The following ARHGEF33 variants were observed in gnomAD, a reference collection of about 807,000 sequenced individuals.
The protein encoded by ARHGEF33 is Rho guanine nucleotide exchange factor 33, also known as DH and coiled-coil domain-containing protein ENSP00000381780.
ARHGEF33 carries 72 observed loss-of-function variants against 101.9 expected under a neutral mutation model. The ratio of observed to expected loss-of-function variants is 0.71; its 90% CI spans 0.58 to 0.86. The LOEUF (loss-of-function observed/expected upper bound fraction) is 0.86, where lower values mean the gene tolerates loss of function less well. ARHGEF33 is among the 40% of genes least tolerant of loss of function. ARHGEF33 has a pLI of 0.00. For missense variants in ARHGEF33, 1,169 were observed against 1,111.3 expected, an observed-to-expected ratio of 1.05 and a Z score of -0.74; for synonymous variants, 499 against 442.5, an observed-to-expected ratio of 1.13 and a Z score of -1.60.
intron 4 of ARHGEF33, among the ~76,000 whole-genome samples, chr2:38,924,675 A>G (rs1666835099): frequency 1.3e-5 from 2 of 152,326 alleles, no homozygotes; most frequent in African/African-American, 4.8e-5. Flanking sequence ...GACATTACAT[A>G]TCATATGTAA....
At position 38,962,447 on chromosome 2, in the gene ARHGEF33, A is replaced by G. The variant is rs1667965374; in HGVS notation, c.2343+1799A>G. On this transcript the variant is annotated intron_variant, in intron 16 of 17. Coordinates refer to ENST00000409978, the MANE Select transcript of ARHGEF33 (RefSeq NM_001145451.5). ...AAATATATCTGAGAAGCAAACAATG[A>G]GTAATATATTTGTGGCTGTTTACCA... Among the ~76,000 whole-genome samples, 5 of 152,348 alleles carry G rather than the reference A, an allele frequency of 3.3e-5. No homozygotes were observed. The South Asian group carries it at 1.0e-3, about 32-fold the overall frequency.
intron 9 of ARHGEF33, among the ~76,000 whole-genome samples, chr2:38,938,049 A>AT (rs1332698073): frequency 6.6e-6 from 1 of 152,102 alleles, no homozygotes; most frequent in South Asian, 2.1e-4. Context: ...TTTAAAAATT[A>AT]TTTTGAATTT....
At chr2:38,967,331 C>T (rs1347036020) in intron 17 of ARHGEF33, among the ~76,000 whole-genome samples, 1 of 152,216 alleles carries the variant, frequency 6.6e-6, no homozygotes, top group African/African-American at 2.4e-5. Context: ...GGAAGAGCGA[C>T]AGCTCTGCAT....
intron 1 of ARHGEF33, among the ~76,000 whole-genome samples, chr2:38,893,648 A>G (rs1318681510): frequency 1.3e-5 from 2 of 152,104 alleles, no homozygotes; most frequent in Non-Finnish European, 2.9e-5. Context: ...TATGTGTCTC[A>G]TCTTCCCTTC....
At chr2:38,890,116 G>T in intron 1 of ARHGEF33, 130 bp downstream of exon 1, 1 of 200,182 alleles carries the variant, frequency 5.0e-6, no homozygotes, top group South Asian at 7.7e-5. Context: ...ATTTATTTGA[G>T]GTAGGCATTC....
intron 9 of ARHGEF33, among the ~76,000 whole-genome samples, chr2:38,942,291 CT>C (rs1250276502): frequency 6.6e-6 from 1 of 151,260 alleles, no homozygotes; most frequent in Non-Finnish European, 1.5e-5. Flanking sequence ...CCTCAGCCCC[CT>C]GAGTAGCTGG....
chr2:38,945,200 A>C (rs542979507), intron 10 of ARHGEF33, among the ~76,000 whole-genome samples: 21 of 152,256 alleles, frequency 1.4e-4, no homozygotes, highest in Admixed American at 2.6e-4. Flanking sequence ...GTGGTTCATA[A>C]ATTCTGAATC....
In ARHGEF33 at chr2:38,919,604, A is replaced by G. The variant is rs1426428440; in HGVS notation, c.25+132A>G. 17 of 969,232 alleles carry G rather than the reference A, an allele frequency of 1.8e-5. No homozygotes were observed. In the East Asian group the frequency reaches 3.5e-4, roughly 20 times the overall value. The allele number at this position is 969,232 out of a possible 1,614,324, so 60.0% of individuals were successfully genotyped here. A position where few individuals can be genotyped will look rare whatever the true frequency, so the allele number is the denominator to read the frequency against. On this transcript the variant is annotated intron_variant, in intron 3 of 17. Coordinates refer to ENST00000409978, the MANE Select transcript of ARHGEF33 (RefSeq NM_001145451.5). Reference sequence around the variant, plus strand: ...ATTTCCCTATCATCATATAATGACTATGAAGAATATAGACTGGGTGCTGAA... The same window carrying G: ...ATTTCCCTATCATCATATAATGACTGTGAAGAATATAGACTGGGTGCTGAA...
At position 38,973,760 on chromosome 2, in the gene ARHGEF33, A is replaced by G. The variant is rs879120381; in HGVS notation, c.2530A>G (p.Met844Val). The part of the protein sequence containing the change: ...YREKTNENPS[M>V]DPSPTKQDFF... The stretch of plus-strand genomic sequence containing the variant: ...GGAAAAAACTAATGAGAATCCCTCA[A>G]TGGATCCTTCACCCACCAAACAAGA... The change falls in exon 18 of 18, where the codon ATG becomes GTG. Residue 844 changes from methionine to valine, a missense_variant. Transcript: ENST00000409978. 2 of 1,547,658 alleles carry G rather than the reference A, an allele frequency of 1.3e-6. No homozygotes were observed. The highest frequency in any genetic ancestry group is 1.2e-5 in the South Asian group (1 of 83,676).
At chr2:38,945,144 T>C (rs1667410791) in intron 10 of ARHGEF33, among the ~76,000 whole-genome samples, 1 of 152,212 alleles carries the variant, frequency 6.6e-6, no homozygotes, top group African/African-American at 2.4e-5. Flanking sequence ...ACTGTGGACA[T>C]ATGTGGCATT....
chr2:38,956,052 C>G (rs891239194), intron 13 of ARHGEF33, among the ~76,000 whole-genome samples: 1 of 152,160 alleles, frequency 6.6e-6, no homozygotes, highest in African/African-American at 2.4e-5. Context: ...TTTCAACAAT[C>G]CCATGAAATA....
chr2:38,931,408 TAAGAGACCAC>T (rs1224864287), intron 7 of ARHGEF33, 157 bp downstream of exon 7: 1 of 647,944 alleles, frequency 1.5e-6, no homozygotes, highest in Non-Finnish European at 2.5e-6. Flanking sequence ...CCAGAGGATC[TAAGAGACCAC>T]AAGAGTGCCC....
rs1305994916 is a variant in ARHGEF33, at chr2:38,913,242, CTAAT to C, written c.-85-6117_-85-6114del. The stretch of plus-strand genomic sequence containing the variant: ...TAGTTTCCTAGGAAAATACAAGTGA[CTAAT>C]TAAGTTGAAAAGCTGCGTAGATAAA... On this transcript the variant is annotated intron_variant, in intron 2 of 17. Transcript: ENST00000409978. 2.0e-5 allele frequency among the ~76,000 whole-genome samples: 3 copies of C among 152,180 alleles called. No homozygotes were observed. In the East Asian group the frequency reaches 5.8e-4, roughly 29 times the overall value.
At chr2:38,891,525 T>G (rs986625885) in intron 1 of ARHGEF33, among the ~76,000 whole-genome samples, 4 of 152,028 alleles carry the variant, frequency 2.6e-5, no homozygotes, top group Non-Finnish European at 5.9e-5. Context: ...TCACACAAAA[T>G]TTTGCATACA....
At chr2:38,970,874 A>G (rs960033160) in intron 17 of ARHGEF33, among the ~76,000 whole-genome samples, 1 of 152,322 alleles carries the variant, frequency 6.6e-6, no homozygotes, top group Non-Finnish European at 1.5e-5. Flanking sequence ...GGATGCCCTT[A>G]GTCCTCTTGT....
intron 2 of ARHGEF33, among the ~76,000 whole-genome samples, chr2:38,905,975 G>C (rs991926476): frequency 2.6e-5 from 4 of 152,082 alleles, no homozygotes; most frequent in Non-Finnish European, 5.9e-5. Flanking sequence ...CAGGTGTGGT[G>C]GCTCATGCCT....
At chr2:38,967,111 G>A (rs1235080569) in intron 17 of ARHGEF33, among the ~76,000 whole-genome samples, 6 of 152,250 alleles carry the variant, frequency 3.9e-5, no homozygotes, top group Non-Finnish European at 1.5e-5. Flanking sequence ...GGAAGCACAG[G>A]GAAATCACCT....
intron 10 of ARHGEF33, among the ~76,000 whole-genome samples, chr2:38,944,867 T>A (rs1402715237): frequency 9.7e-6 from 1 of 102,738 alleles, no homozygotes; most frequent in Non-Finnish European, 1.9e-5. Context: ...TGGTACTGAG[T>A]AATGCATGGG....
chr2:38,895,208 A>C (rs562981328), intron 1 of ARHGEF33, among the ~76,000 whole-genome samples: 1 of 152,334 alleles, frequency 6.6e-6, no homozygotes, highest in East Asian at 1.9e-4. Context: ...AGGAAGATTC[A>C]GTGAATTGGC....
Sources: allele counts gnomAD v4.1 joint callset (sites outside exome capture counted in the v4.1 genomes callset), GRCh38; gene constraint gnomAD v4.1.1; transcripts MANE v1.5; gene names NCBI Gene and HGNC (gene_info 2026-07-23, HGNC 2026-07-21).